Variants in CTDP1 observed in about 807,000 individuals in gnomAD.
CTDP1 encodes RNA polymerase II subunit A C-terminal domain phosphatase.
In CTDP1, 47 loss-of-function variants were observed where a neutral mutation model predicts 91.8. The ratio of observed to expected loss-of-function variants is 0.51; its 90% CI spans 0.41 to 0.65. The LOEUF is 0.65. CTDP1 is among the 30% of genes least tolerant of loss of function. CTDP1 has a pLI of 0.00. For synonymous variants in CTDP1, 656 were observed against 598.5 expected, an observed-to-expected ratio of 1.10 and a Z score of -1.40; for missense variants, 1,272 against 1,373.7, an observed-to-expected ratio of 0.93 and a Z score of 1.17.
intron 4 of CTDP1, among the ~76,000 whole-genome samples, chr18:79,700,146 A>G (rs906176803): frequency 1.3e-5 from 2 of 152,220 alleles, no homozygotes; most frequent in Non-Finnish European, 2.9e-5. Context: ...TCCCTGAGAC[A>G]TAACAGTATT....
chr18:79,689,333 C>T (rs2085571914), intron 1 of CTDP1, among the ~76,000 whole-genome samples: 1 of 152,176 alleles, frequency 6.6e-6, no homozygotes, highest in Non-Finnish European at 1.5e-5. Context: ...GAAAGAGATA[C>T]TTTGTTACCA....
chr18:79,717,742 T>C (rs941910184), intron 9 of CTDP1, 66 bp downstream of exon 9: 3 of 1,613,822 alleles, frequency 1.9e-6, no homozygotes, highest in Admixed American at 1.7e-5. Flanking sequence ...TGTTGGTTCA[T>C]GCACCTGGGC....
intron 4 of CTDP1, among the ~76,000 whole-genome samples, chr18:79,700,277 G>T (rs1671723156): frequency 6.6e-6 from 1 of 152,188 alleles, no homozygotes; most frequent in Non-Finnish European, 1.5e-5. Flanking sequence ...AGGAATGCAC[G>T]CCAGAAGCCA....
At chr18:79,717,017 C>T (rs945424358) in intron 8 of CTDP1, among the ~76,000 whole-genome samples, 9 of 150,036 alleles carry the variant, frequency 6.0e-5, no homozygotes, top group African/African-American at 2.0e-4. Flanking sequence ...GGCCCTGAGC[C>T]CTAGTGGGGT....
intron 12 of CTDP1, chr18:79,749,984 A>C (rs2086963659): frequency 6.6e-6 from 1 of 152,250 alleles, no homozygotes; most frequent in South Asian, 2.1e-4. Flanking sequence ...ACTGGAAATA[A>C]AGGAAACTCG....
chr18:79,743,300 C>T lies in CTDP1; in HGVS notation c.2747+6779C>T, dbSNP rs186983296. On this transcript the variant is annotated intron_variant, in intron 12 of 12. Transcript: ENST00000613122. ...CAGCACTCTAGGAAGCTGAGGCGGG[C>T]GGATTGCCTGAGTTCAGGAGTTCGA... is the stretch of plus-strand genomic sequence containing the variant. 4.0e-3 allele frequency among the ~76,000 whole-genome samples: 605 copies of T among 152,010 alleles called. 18 individuals are homozygous for T. Among genetic ancestry groups the T allele is most frequent in the Admixed American group, 0.033 (499 of 15,282 alleles).
chr18:79,695,352 G>C, intron 2 of CTDP1, 44 bp downstream of exon 2: 2 of 1,574,954 alleles, frequency 1.3e-6, no homozygotes, highest in Non-Finnish European at 1.7e-6. Context: ...TGGGGCTCGA[G>C]GTGGTGGCCT....
intron 1 of CTDP1, among the ~76,000 whole-genome samples, chr18:79,684,300 T>G (rs1454145615): frequency 6.6e-6 from 1 of 152,208 alleles, no homozygotes; most frequent in African/African-American, 2.4e-5. Context: ...GTCTAAACAG[T>G]TCTTTATAGC....
In CTDP1 at chr18:79,753,655, C is replaced by T. The variant is rs768096439; in HGVS notation, c.2751C>T (p.Gly917=). The stretch of plus-strand genomic sequence containing the variant: ...CACCATGTTTGCTTCTCTGCAGAGG[C>T]CACAAGAGGAAGCTGAATGAAGAGG... The part of the protein sequence containing the change: ...RSAAGGRGPR[G]HKRKLNEEDA... The change falls in exon 13 of 13, where the codon GGC becomes GGT. Residue 917 remains glycine, a synonymous_variant. Transcript: ENST00000613122. 4 of 1,614,156 alleles carry T rather than the reference C, an allele frequency of 2.5e-6. No individual in the cohort carries two copies.
intron 10 of CTDP1, among the ~76,000 whole-genome samples, chr18:79,721,162 C>T (rs1190216501): frequency 1.3e-5 from 2 of 152,214 alleles, no homozygotes; most frequent in African/African-American, 2.4e-5. Flanking sequence ...AGGCCCAGCC[C>T]ACAGCCACTC....
chr18:79,709,247 G>A (rs2086031256), intron 5 of CTDP1, among the ~76,000 whole-genome samples: 1 of 152,144 alleles, frequency 6.6e-6, no homozygotes, highest in Non-Finnish European at 1.5e-5. Flanking sequence ...ATACTCTGTG[G>A]TTCTTGTAAA....
chr18:79,688,558 C>T (rs1209005436), intron 1 of CTDP1, among the ~76,000 whole-genome samples: 2 of 152,168 alleles, frequency 1.3e-5, no homozygotes, highest in African/African-American at 4.8e-5. Flanking sequence ...AGCCACCGCG[C>T]CCAACTAATT....
At chr18:79,728,832 A>G (rs1599284221) in intron 10 of CTDP1, 75 bp from the exon 11 acceptor site, 3 of 1,478,428 alleles carry the variant, frequency 2.0e-6, no homozygotes, top group Non-Finnish European at 2.8e-6. Flanking sequence ...TCCGAGAGCC[A>G]GGAGTCTGAT....
chr18:79,738,485 C>T (rs1487332675), intron 12 of CTDP1, among the ~76,000 whole-genome samples: 1 of 152,254 alleles, frequency 6.6e-6, no homozygotes, highest in Non-Finnish European at 1.5e-5. Flanking sequence ...GGAGGAGCTG[C>T]TCCCAGCTTC....
At chr18:79,720,697 A>T (rs543472983) in intron 10 of CTDP1, among the ~76,000 whole-genome samples, 1 of 152,288 alleles carries the variant, frequency 6.6e-6, no homozygotes, top group South Asian at 2.1e-4. Flanking sequence ...GGTTTTTAAT[A>T]CAAGGTGTCT....
chr18:79,722,661 G>T (rs911602307), intron 10 of CTDP1, among the ~76,000 whole-genome samples: 2 of 152,160 alleles, frequency 1.3e-5, no homozygotes, highest in African/African-American at 2.4e-5. Flanking sequence ...ACTTGTACGT[G>T]TTGGAAACTG....
chr18:79,678,715 G>C (rs866114723), upstream of CTDP1: 2 of 152,014 alleles, frequency 1.3e-5, no homozygotes, highest in African/African-American at 4.8e-5. Flanking sequence ...TAAGGACAAA[G>C]ATACATAGTA....
chr18:79,679,283 T>A (rs550107504), upstream of CTDP1: 12 of 403,850 alleles, frequency 3.0e-5, no homozygotes, highest in East Asian at 8.8e-4. Context: ...CGGCGTGGGG[T>A]CCGGGGGGGG....
chr18:79,718,079 C>T lies in CTDP1; in HGVS notation c.2417+63C>T, dbSNP rs551153289. On this transcript the variant is annotated intron_variant, in intron 10 of 12. Transcript: ENST00000613122. ...GGCTCTTCAAGCTTGCTGCTCCAGT[C>T]TGTTGGGGGGATGGCGTCAGTTGCC... The T allele has an allele frequency of 1.2e-5, 19 of 1,582,552 alleles. No individual in the cohort carries two copies. In the South Asian group the frequency reaches 1.8e-4, roughly 15 times the overall value.
Sources: gnomAD v4.1 joint callset for allele counts (sites outside exome capture counted in the v4.1 genomes callset) on GRCh38, gnomAD v4.1.1 for gene constraint, MANE v1.5 for transcripts, NCBI Gene and HGNC (gene_info 2026-07-23, HGNC 2026-07-21) for gene names.